UBE2N: variants seen among roughly 807,000 people sequenced by gnomAD.
The protein encoded by UBE2N is ubiquitin-conjugating enzyme E2 N.
For missense variants in UBE2N, 60 were observed against 192.1 expected (o/e 0.31, Z 4.07); for synonymous variants, 70 against 69.2 (o/e 1.01, Z -0.06).
intron 1 of UBE2N, among the ~76,000 whole-genome samples, chr12:93,425,089 C>T (rs564124825): frequency 1.4e-4 from 22 of 152,252 alleles, no homozygotes; most frequent in African/African-American, 4.8e-4. Context: ...CTCAGTATTA[C>T]GTTAGGGTCT....
chr12:93,414,740 G>A (rs139734112), intron 1 of UBE2N, among the ~76,000 whole-genome samples: 1 of 152,162 alleles, frequency 6.6e-6, no homozygotes, highest in Admixed American at 6.5e-5. Flanking sequence ...CATCATAACT[G>A]AAATTGCAAA....
chr12:93,410,070 C>T lies in UBE2N; in HGVS notation c.428G>A (p.Trp143Ter), dbSNP rs1877988301. ...EAQAIETARA[W>*]TRLYAMNNI ...ATTATTCATGGCATATAGCCTAGTC[C>T]ATGCTCTAGCTGTAGACAGAAACAA... is the stretch of plus-strand genomic sequence containing the variant. The change falls in exon 4 of 4, where the codon TGG becomes TAG. Residue 143 changes from tryptophan to a stop codon, truncating the protein, a stop_gained. Transcript: ENST00000318066. LOFTEE classifies it high-confidence loss of function. The T allele has an allele frequency of 6.2e-7, 1 of 1,613,108 alleles. No individual in the cohort carries two copies. The highest frequency in any genetic ancestry group is 1.3e-5 in the African/African-American group (1 of 74,854).
rs1877929665 is a variant in UBE2N at position 93,408,433 on chromosome 12, C to T, written c.*1606G>A. On this transcript the variant is annotated 3_prime_UTR_variant, in exon 4 of 4. Transcript: ENST00000318066. ...TTACATAGGAGCACAATAAAATACA[C>T]CACAATCTGAAGAAACTCCAGAATT... 1 of 152,094 alleles carries T rather than the reference C, an allele frequency of 6.6e-6. No homozygotes were observed. The allele number at this position is 152,094 out of a possible 1,614,324, so 9.4% of individuals were successfully genotyped here.
intron 1 of UBE2N, among the ~76,000 whole-genome samples, chr12:93,428,158 A>T (rs1878649407): frequency 6.6e-6 from 1 of 152,112 alleles, no homozygotes; most frequent in Non-Finnish European, 1.5e-5. Flanking sequence ...GGGCTCAAGC[A>T]ATCTACTTGC....
At chr12:93,411,920 G>C (rs1878043538) in intron 1 of UBE2N, among the ~76,000 whole-genome samples, 1 of 151,980 alleles carries the variant, frequency 6.6e-6, no homozygotes. Flanking sequence ...TTGAACTCCT[G>C]GCCTCAAGTG....
chr12:93,432,361 G>A (rs533592602), intron 1 of UBE2N, among the ~76,000 whole-genome samples: 3 of 151,756 alleles, frequency 2.0e-5, no homozygotes, highest in Non-Finnish European at 2.9e-5. Flanking sequence ...AAAGAGACAC[G>A]CAAATCACAA....
At chr12:93,417,575 G>C (rs1175614565) in intron 1 of UBE2N, among the ~76,000 whole-genome samples, 2 of 152,160 alleles carry the variant, frequency 1.3e-5, no homozygotes, top group Admixed American at 6.5e-5. Context: ...ACAGTGATTA[G>C]GTTTTTTAGA....
chr12:93,424,069 T>C (rs934348868), intron 1 of UBE2N, among the ~76,000 whole-genome samples: 1 of 152,226 alleles, frequency 6.6e-6, no homozygotes, highest in Non-Finnish European at 1.5e-5. Flanking sequence ...GTTGTTGTTG[T>C]TCTGATAAAG....
At chr12:93,414,557 C>T (rs1239510428) in intron 1 of UBE2N, among the ~76,000 whole-genome samples, 2 of 151,692 alleles carry the variant, frequency 1.3e-5, no homozygotes, top group African/African-American at 4.8e-5. Flanking sequence ...TTCAGCTGTT[C>T]TCTCTCCATC....
chr12:93,436,279 C>G (rs1878932233), intron 1 of UBE2N, among the ~76,000 whole-genome samples: 1 of 152,088 alleles, frequency 6.6e-6, no homozygotes, highest in Non-Finnish European at 1.5e-5. Flanking sequence ...TTCATTTTAT[C>G]TTTTTGTAGA....
At chr12:93,441,716 G>A (rs1263073084) in intron 1 of UBE2N, 139 bp downstream of exon 1, 11 of 1,193,792 alleles carry the variant, frequency 9.2e-6, no homozygotes, top group Non-Finnish European at 1.2e-5. Flanking sequence ...TTCCCTCGCC[G>A]CCGCGGCCAA....
At chr12:93,429,916 TAAA>T (rs1275109242) in intron 1 of UBE2N, among the ~76,000 whole-genome samples, 2 of 152,152 alleles carry the variant, frequency 1.3e-5, no homozygotes, top group Non-Finnish European at 2.9e-5. Context: ...GTTTATAAAA[TAAA>T]AAAGTTACAG....
chr12:93,441,924 G>A lies in UBE2N; in HGVS notation c.-40C>T. 1 of 1,558,642 alleles carries A rather than the reference G, an allele frequency of 6.4e-7. No homozygotes were observed. The highest frequency in any genetic ancestry group is 8.7e-7 in the Non-Finnish European group (1 of 1,154,900). On this transcript the variant is annotated 5_prime_UTR_variant, in exon 1 of 4. Transcript: ENST00000318066. ...AGTTCGGCCTCTGGTCTCGTCTCCG[G>A]CTCCTCTCGCCTCACGCACGAGTGG...
At position 93,429,099 on chromosome 12, in the gene UBE2N, G is replaced by A. The variant is rs545349509; in HGVS notation, c.30+12756C>T. Among the ~76,000 whole-genome samples the A allele has an allele frequency of 1.8e-3, 280 of 151,914 alleles. 2 individuals carry two copies. The highest frequency in any genetic ancestry group is 6.5e-3 in the African/African-American group (269 of 41,434). ...AGCCTGACCAACATGGTGAAACCCC[G>A]TCTCTACTAAAAATACCAAAATTAG... On this transcript the variant is annotated intron_variant, in intron 1 of 3. Transcript: ENST00000318066.
intron 1 of UBE2N, among the ~76,000 whole-genome samples, chr12:93,412,796 A>C (rs1878068536): frequency 6.6e-6 from 1 of 152,228 alleles, no homozygotes; most frequent in South Asian, 2.1e-4. Flanking sequence ...ACTTTTAAAT[A>C]AGGAAGAGGA....
At chr12:93,414,799 T>TAA (rs1878151443) in intron 1 of UBE2N, among the ~76,000 whole-genome samples, 1 of 152,230 alleles carries the variant, frequency 6.6e-6, no homozygotes. Flanking sequence ...TCCCTGGCTT[T>TAA]ATCTCCACAG....
Position 93,441,825 on chromosome 12 carries a change from G to T in UBE2N, c.30+30C>A, listed in dbSNP as rs530583187. On this transcript the variant is annotated intron_variant, in intron 1 of 3. Transcript: ENST00000318066. ...CCAGCTGAGCCGACGAGAGCAGAGC[G>T]AAGAGCTGGAGGCCGGCCTGGGCGG... The T allele has an allele frequency of 4.7e-5, 75 of 1,580,084 alleles. 2 individuals carry two copies. The South Asian group carries it at 8.3e-4, about 18-fold the overall frequency.
Position 93,408,890 on chromosome 12 carries a change from A to G in UBE2N, c.*1149T>C, listed in dbSNP as rs1187441634. 1.3e-5 allele frequency: 2 copies of G among 152,664 alleles called. No individual in the cohort carries two copies. Among genetic ancestry groups the G allele is most frequent in the African/African-American group, 2.4e-5 (1 of 41,472 alleles). The allele number at this position is 152,664 out of a possible 1,614,324, so 9.5% of individuals were successfully genotyped here. A position where few individuals can be genotyped will look rare whatever the true frequency, so the allele number is the denominator to read the frequency against. On this transcript the variant is annotated 3_prime_UTR_variant, in exon 4 of 4. Coordinates refer to ENST00000318066, the MANE Select transcript of UBE2N (RefSeq NM_003348.4). ...ATCAGATCAGTGTTTCTTAACACAC[A>G]TGAAAGGTTACAGATGAAATTTTCA...
At position 93,412,477 on chromosome 12, in the gene UBE2N, G is replaced by A. The variant is rs575233278; in HGVS notation, c.31-1178C>T. Among the ~76,000 whole-genome samples the A allele has an allele frequency of 4.3e-4, 66 of 152,162 alleles. 1 individual carries two copies. The South Asian group carries it at 0.011, about 26-fold the overall frequency. On this transcript the variant is annotated intron_variant, in intron 1 of 3. Transcript: ENST00000318066. Reference sequence around the variant, plus strand: ...CTGATCTCTGAAATGTTTGTTCTTCGGTACCATAAAGAAATAGCACTTGAA... The same window carrying A: ...CTGATCTCTGAAATGTTTGTTCTTCAGTACCATAAAGAAATAGCACTTGAA...
Sources: allele counts gnomAD v4.1 joint callset (sites outside exome capture counted in the v4.1 genomes callset), GRCh38; gene constraint gnomAD v4.1.1; transcripts MANE v1.5; gene names NCBI Gene and HGNC (gene_info 2026-07-23, HGNC 2026-07-21).